Variants in RPH3AL observed in about 807,000 individuals in gnomAD.
RPH3AL encodes the protein rabphilin 3A like (without C2 domains).
RPH3AL carries 38 observed loss-of-function variants against 43.1 expected under a neutral mutation model. That is an observed-to-expected ratio of 0.88 (90% CI 0.68 to 1.15). RPH3AL has a LOEUF of 1.15. Among genes scored for constraint, RPH3AL ranks in the 50% most tolerant of loss-of-function variants. RPH3AL has a pLI of 0.00. For synonymous variants in RPH3AL, 189 were observed against 176.3 expected, an observed-to-expected ratio of 1.07 and a Z score of -0.57; for missense variants, 462 against 423.2, an observed-to-expected ratio of 1.09 and a Z score of -0.81.
At chr17:314,497 T>TG (rs568971211) in intron 5 of RPH3AL, among the ~76,000 whole-genome samples, 2,381 of 118,310 alleles carry the variant, frequency 0.02, 108 homozygotes, top group Admixed American at 0.033. Context: ...GTAGTCCCTA[T>TG]ACTCCACGTC....
intron 7 of RPH3AL, among the ~76,000 whole-genome samples, chr17:227,753 G>C (rs573978663): frequency 6.6e-6 from 1 of 152,274 alleles, no homozygotes; most frequent in Admixed American, 6.5e-5. Context: ...TGTGAGCTAC[G>C]GCCACTCTGC....
intron 6 of RPH3AL, among the ~76,000 whole-genome samples, chr17:251,907 G>A (rs1189768659): frequency 1.2e-4 from 18 of 152,092 alleles, no homozygotes; most frequent in African/African-American, 2.4e-4. Context: ...GGCGGGGCCC[G>A]TGCAGGCTTT....
At chr17:344,935 G>C (rs1384921526) in intron 1 of RPH3AL, among the ~76,000 whole-genome samples, 1 of 135,956 alleles carries the variant, frequency 7.4e-6, no homozygotes, top group Non-Finnish European at 1.7e-5. Flanking sequence ...ATCAGCATGA[G>C]GGGAAAGGCC....
intron 2 of RPH3AL, chr17:332,624 T>C (rs942034701): frequency 2.6e-5 from 5 of 193,128 alleles, no homozygotes; most frequent in African/African-American, 9.1e-5. Flanking sequence ...AGCCCAGACA[T>C]GCTCAGAGCA....
At chr17:315,598 A>G (rs2044002223) in intron 5 of RPH3AL, among the ~76,000 whole-genome samples, 3 of 120,584 alleles carry the variant, frequency 2.5e-5, no homozygotes, top group African/African-American at 6.4e-5. Flanking sequence ...CCTGTGCTCC[A>G]CCTCCACTGA....
intron 7 of RPH3AL, among the ~76,000 whole-genome samples, chr17:237,991 C>CAA (rs34821768): frequency 3.3e-5 from 5 of 151,720 alleles, no homozygotes; most frequent in African/African-American, 7.3e-5. Flanking sequence ...TCTACAGATA[C>CAA]AAAAAAATTA....
intron 5 of RPH3AL, among the ~76,000 whole-genome samples, chr17:314,784 T>C (rs1555518479): frequency 6.6e-6 from 1 of 152,118 alleles, no homozygotes; most frequent in African/African-American, 2.4e-5. Flanking sequence ...CCCACCTCCA[T>C]TGACCTGTAG....
Position 328,486 on chromosome 17 carries a change from C to A in RPH3AL, c.-36-907G>T, listed in dbSNP as rs570213061. Among the ~76,000 whole-genome samples the A allele has an allele frequency of 6.6e-6, 1 of 151,726 alleles. No homozygotes were observed. The highest frequency in any genetic ancestry group is 2.4e-5 in the African/African-American group (1 of 41,250). ...TTAAAAAAGATCCAGGTTCGAAATC[C>A]GTTTGACACTTCCTCAAAATGTTGA... On this transcript the variant is annotated intron_variant, in intron 2 of 9. Transcript: ENST00000331302. The surrounding 1 kb of genome is among the most constrained non-coding windows in gnomAD (Gnocchi z 4.2).
At position 295,330 on chromosome 17, in the gene RPH3AL, G is replaced by A. The variant is rs58012969; in HGVS notation, c.352-13476C>T. The stretch of plus-strand genomic sequence containing the variant: ...AGAGGGAATGCACATCAGTGTGGGA[G>A]GGACAGAGGAGCTGCAGAAATGGAC... On this transcript the variant is annotated intron_variant, in intron 5 of 9. Transcript: ENST00000331302. Among the ~76,000 whole-genome samples, 153 of 124,524 alleles carry A rather than the reference G, an allele frequency of 1.2e-3. No individual in the cohort carries two copies. The Middle Eastern group carries it at 0.015, about 13-fold the overall frequency. The allele number at this position is 124,524 out of a possible 152,430, so 81.7% of individuals were successfully genotyped here. A position where few individuals can be genotyped will look rare whatever the true frequency, so the allele number is the denominator to read the frequency against.
At chr17:337,256 C>T (rs949969053) in intron 1 of RPH3AL, among the ~76,000 whole-genome samples, 9 of 151,890 alleles carry the variant, frequency 5.9e-5, no homozygotes, top group South Asian at 2.1e-4. Context: ...TAGAACTACA[C>T]GCCTGGCTAA....
intron 6 of RPH3AL, 71 bp from the exon 7 acceptor site, chr17:247,356 T>C: frequency 2.1e-6 from 3 of 1,441,966 alleles, no homozygotes; most frequent in South Asian, 2.8e-5. Flanking sequence ...CTTGCCCAGA[T>C]GACGGGAGGC....
intron 1 of RPH3AL, chr17:335,641 A>G (rs1210632753): frequency 6.6e-6 from 1 of 152,234 alleles, no homozygotes; most frequent in African/African-American, 2.4e-5. Context: ...CCCTGACCTC[A>G]ATGTCCAGAA....
Position 247,321 on chromosome 17 carries a change from C to T in RPH3AL, c.439-36G>A, listed in dbSNP as rs144464580. 8.6e-4 allele frequency: 1,311 copies of T among 1,517,436 alleles called. 4 individuals are homozygous for T. In the African/African-American group the frequency reaches 0.014, roughly 16 times the overall value. 94.0% of individuals were successfully genotyped at this position (1,517,436 alleles called of 1,614,324 possible). On this transcript the variant is annotated intron_variant, in intron 6 of 9. Transcript: ENST00000331302. ...GAAGAGAGCTGCTTGGGGCACAGGA[C>T]GCAGAGGAGCCTCCCCTCCTGCTCC... is the stretch of plus-strand genomic sequence containing the variant.
intron 6 of RPH3AL, among the ~76,000 whole-genome samples, chr17:250,095 C>CA (rs2041857183): frequency 6.9e-6 from 1 of 145,294 alleles, no homozygotes. Context: ...CGGGACCTCT[C>CA]AGAGCCTTTA....
chr17:214,029 G>C (rs1244966103), intron 9 of RPH3AL, 106 bp from the exon 10 acceptor site: 13 of 825,682 alleles, frequency 1.6e-5, no homozygotes, highest in Admixed American at 2.4e-5. Flanking sequence ...TGGTGGGGAA[G>C]GCAGGCTTCT....
chr17:307,298 C>T (rs1164599505), intron 5 of RPH3AL, among the ~76,000 whole-genome samples: 2 of 3,272 alleles, frequency 6.1e-4, no homozygotes, highest in African/African-American at 1.2e-3. Flanking sequence ...AGGTCCATCC[C>T]ACGGCAGGTC....
intron 1 of RPH3AL, chr17:341,553 A>T (rs181087190): frequency 4.6e-5 from 7 of 152,344 alleles, no homozygotes; most frequent in African/African-American, 1.7e-4. Context: ...AATTCGTATA[A>T]GGAATGTCAG....
At chr17:236,884 G>T (rs1044854595) in intron 7 of RPH3AL, among the ~76,000 whole-genome samples, 1 of 152,288 alleles carries the variant, frequency 6.6e-6, no homozygotes, top group Non-Finnish European at 1.5e-5. Flanking sequence ...GGTTTTGGAA[G>T]CCGGGATCCT....
rs556651477 is a variant in RPH3AL, at chr17:246,459, C to T, written c.613+652G>A. ...CTCTTCTCTGAGCCGCAGGTACACCCATCTATAAAATGCAGTCATTAAATA... is the reference window on the plus strand; with the variant it reads ...CTCTTCTCTGAGCCGCAGGTACACCTATCTATAAAATGCAGTCATTAAATA... On this transcript the variant is annotated intron_variant, in intron 7 of 9. Transcript: ENST00000331302. This position sits in a 1 kb window ranked among gnomAD's most constrained non-coding sequence, Gnocchi z 4.8. 6.6e-6 allele frequency among the ~76,000 whole-genome samples: 1 copy of T among 152,252 alleles called. No individual in the cohort carries two copies. The highest frequency in any genetic ancestry group is 1.9e-4 in the East Asian group (1 of 5,176).
Sources: allele counts gnomAD v4.1 joint callset (sites outside exome capture counted in the v4.1 genomes callset), GRCh38; gene constraint gnomAD v4.1.1; non-coding constraint Gnocchi (gnomAD v3.1); transcripts MANE v1.5; gene names NCBI Gene and HGNC (gene_info 2026-07-23, HGNC 2026-07-21).